The following DPP10 variants were observed in gnomAD, a reference collection of about 807,000 sequenced individuals.
DPP10 encodes the protein dipeptidyl peptidase like 10.
A neutral mutation model predicts 120.9 loss-of-function variants in DPP10; 33 were observed. That is an observed-to-expected ratio of 0.27 (90% CI 0.21 to 0.37). The LOEUF is 0.37. DPP10 is among the 10% of genes least tolerant of loss of function. The pLI is 1.00. For missense variants in DPP10, 816 were observed against 942.8 expected (o/e 0.87, Z 1.76); for synonymous variants, 337 against 326.1 (o/e 1.03, Z -0.36).
chr2:115,256,277 A>T (rs1339849296), intron 1 of DPP10, among the ~76,000 whole-genome samples: 1 of 152,206 alleles, frequency 6.6e-6, no homozygotes, highest in Non-Finnish European at 1.5e-5. Flanking sequence ...GAATTCACTC[A>T]CTATCAAAAG....
intron 1 of DPP10, chr2:114,835,160 C>CCATATCTACACACCTATGTATATATAGGA (rs1687609774): frequency 7.4e-6 from 1 of 134,988 alleles, no homozygotes; most frequent in Non-Finnish European, 1.6e-5. Flanking sequence ...TATATATAAG[C>CCATATCTACACACCTATGTATATATAGGA]CATATCTACA....
At chr2:114,928,423 C>G (rs1203924055) in intron 1 of DPP10, among the ~76,000 whole-genome samples, 2 of 152,160 alleles carry the variant, frequency 1.3e-5, no homozygotes, top group African/African-American at 2.4e-5. Flanking sequence ...GACATTAAAT[C>G]TTGAATCTCC....
intron 1 of DPP10, among the ~76,000 whole-genome samples, chr2:115,289,265 A>G (rs1223920367): frequency 6.6e-6 from 1 of 152,084 alleles, no homozygotes; most frequent in Non-Finnish European, 1.5e-5. Flanking sequence ...GGAAAACTAC[A>G]AAACGCTGAT....
intron 7 of DPP10, among the ~76,000 whole-genome samples, chr2:115,710,438 C>T (rs186440951): frequency 6.6e-6 from 1 of 152,016 alleles, no homozygotes; most frequent in South Asian, 2.1e-4. Context: ...AGATTATTAT[C>T]TTCCTTAATA....
At chr2:115,715,576 C>T (rs2092467529) in intron 7 of DPP10, among the ~76,000 whole-genome samples, 1 of 152,080 alleles carries the variant, frequency 6.6e-6, no homozygotes, top group African/African-American at 2.4e-5. Flanking sequence ...TTATCCTTCT[C>T]ATGTTAAATT....
At chr2:114,825,370 G>T (rs1170151240) in intron 1 of DPP10, among the ~76,000 whole-genome samples, 1 of 152,210 alleles carries the variant, frequency 6.6e-6, no homozygotes, top group East Asian at 1.9e-4. Flanking sequence ...GAGAGGAATT[G>T]TATGCCTGTT....
chr2:115,287,485 A>C (rs1264332561), intron 1 of DPP10, among the ~76,000 whole-genome samples: 1 of 151,976 alleles, frequency 6.6e-6, no homozygotes, highest in Non-Finnish European at 1.5e-5. Flanking sequence ...TCATTATACT[A>C]CTATGTCTGC....
intron 7 of DPP10, among the ~76,000 whole-genome samples, chr2:115,724,759 G>A (rs1379253409): frequency 6.6e-6 from 1 of 152,192 alleles, no homozygotes; most frequent in Non-Finnish European, 1.5e-5. Flanking sequence ...GTGATTCAAG[G>A]TTCTGCAGGT....
chr2:115,327,903 T>A (rs941479174), intron 2 of DPP10, among the ~76,000 whole-genome samples: 6 of 152,058 alleles, frequency 3.9e-5, no homozygotes, highest in Non-Finnish European at 8.8e-5. Context: ...TGTCGACTTA[T>A]GAAAGGGTGC....
At chr2:115,025,012 G>A (rs1184909540) in intron 1 of DPP10, among the ~76,000 whole-genome samples, 1 of 151,446 alleles carries the variant, frequency 6.6e-6, no homozygotes, top group Non-Finnish European at 1.5e-5. Context: ...TTTAATGCTA[G>A]GAACACTTGA....
chr2:115,525,998 T>A, intron 5 of DPP10, 26 bp downstream of exon 5: 1 of 1,576,856 alleles, frequency 6.3e-7, no homozygotes, highest in Non-Finnish European at 8.6e-7. Context: ...TCTTTGAGAA[T>A]ACTTTTCTTT....
chr2:114,452,470 T>C (rs1573382453), intron 1 of DPP10, among the ~76,000 whole-genome samples: 1 of 152,134 alleles, frequency 6.6e-6, no homozygotes, highest in African/African-American at 2.4e-5. Flanking sequence ...AAATATTTCT[T>C]AGAGATTTCC....
intron 3 of DPP10, among the ~76,000 whole-genome samples, chr2:115,418,971 C>T (rs909820524): frequency 6.6e-5 from 10 of 152,038 alleles, no homozygotes; most frequent in African/African-American, 2.4e-4. Flanking sequence ...TGTATTAAGG[C>T]CTTCTAATGA....
intron 5 of DPP10, among the ~76,000 whole-genome samples, chr2:115,629,262 G>T (rs1043424832): frequency 6.6e-5 from 10 of 152,052 alleles, no homozygotes; most frequent in African/African-American, 2.2e-4. Context: ...TGCGAATAGT[G>T]CTGCAATAAA....
chr2:114,962,383 A>C (rs536514208), intron 1 of DPP10, among the ~76,000 whole-genome samples: 193 of 152,350 alleles, frequency 1.3e-3, no homozygotes, highest in Middle Eastern at 6.8e-3. Flanking sequence ...CAGACATGTG[A>C]AAATTCATTC....
Position 115,305,740 on chromosome 2 carries a change from A to T in DPP10, c.61-3499A>T, listed in dbSNP as rs578175186. On this transcript the variant is annotated intron_variant, in intron 1 of 25. Transcript: ENST00000410059. ...GTGACAGAGCAAGACCCTCTCTCTAACAACATTTTTTTAAATTAAAAAAAA... is the reference window on the plus strand; with the variant it reads ...GTGACAGAGCAAGACCCTCTCTCTATCAACATTTTTTTAAATTAAAAAAAA... 2.9e-4 allele frequency among the ~76,000 whole-genome samples: 44 copies of T among 151,936 alleles called. 1 individual carries two copies. The highest frequency in any genetic ancestry group is 1.1e-3 in the African/African-American group (44 of 41,488).
intron 1 of DPP10, among the ~76,000 whole-genome samples, chr2:114,456,571 C>T (rs115836149): frequency 0.015 from 2,227 of 152,136 alleles, 59 homozygotes; most frequent in African/African-American, 0.051. Context: ...TTATTATCAA[C>T]AGGATATGAT....
intron 1 of DPP10, among the ~76,000 whole-genome samples, chr2:115,183,858 A>G (rs374706933): frequency 6.6e-6 from 1 of 152,262 alleles, no homozygotes; most frequent in Non-Finnish European, 1.5e-5. Context: ...AGAGCAAGCA[A>G]GGAGGAGGGG....
chr2:114,646,198 A>ATAAAT (rs1558963306), intron 1 of DPP10, among the ~76,000 whole-genome samples: 1 of 150,388 alleles, frequency 6.6e-6, no homozygotes, highest in African/African-American at 2.5e-5. Context: ...AAATAAATAA[A>ATAAAT]AAGGGGGAGA....
Sources: allele counts gnomAD v4.1 joint callset (sites outside exome capture counted in the v4.1 genomes callset), GRCh38; gene constraint gnomAD v4.1.1; transcripts MANE v1.5; gene names NCBI Gene and HGNC (gene_info 2026-07-23, HGNC 2026-07-21).